CAAP1: variants seen among roughly 807,000 people sequenced by gnomAD.
CAAP1 encodes caspase activity and apoptosis inhibitor 1.
In CAAP1, 20 loss-of-function variants were observed where a neutral mutation model predicts 34.0. That is an observed-to-expected ratio of 0.59 (90% CI 0.41 to 0.86). CAAP1 has a LOEUF of 0.86. Among genes scored for constraint, CAAP1 ranks in the 40% least tolerant of loss-of-function variants. The probability of loss-of-function intolerance (pLI) is 0.00; values close to 1 mark genes in which losing one functional copy is unlikely to be tolerated. For synonymous variants in CAAP1, 213 were observed against 166.7 expected (o/e 1.28, Z -2.14); for missense variants, 538 against 450.5 (o/e 1.19, Z -1.76).
At chr9:26,855,486 G>A (rs1451375350) in intron 5 of CAAP1, among the ~76,000 whole-genome samples, 1 of 152,146 alleles carries the variant, frequency 6.6e-6, no homozygotes, top group Non-Finnish European at 1.5e-5. Flanking sequence ...TATGGACTTG[G>A]TTAATAATAA....
At chr9:26,881,269 C>T (rs930366699) in intron 4 of CAAP1, among the ~76,000 whole-genome samples, 3 of 152,220 alleles carry the variant, frequency 2.0e-5, no homozygotes, top group Non-Finnish European at 4.4e-5. Flanking sequence ...CCACCATGCA[C>T]AGTCGTTGTT....
intron 5 of CAAP1, among the ~76,000 whole-genome samples, chr9:26,855,253 A>C (rs551907347): frequency 6.6e-6 from 1 of 152,348 alleles, no homozygotes; most frequent in African/African-American, 2.4e-5. Context: ...GTATGATTCA[A>C]AACTACAGAG....
rs1459252091 is a variant in CAAP1, at chr9:26,884,880, T to C, written c.595A>G (p.Asn199Asp). The C allele has an allele frequency of 1.9e-6, 3 of 1,603,772 alleles. No homozygotes were observed. The highest frequency in any genetic ancestry group is 4.5e-5 in the East Asian group (2 of 44,754). Residue 199 changes from asparagine (N) to aspartate (D), a missense_variant, in exon 4 of 6, where the codon AAT becomes GAT. Physicochemically the swap from Asn to Asp is conservative, Grantham distance 23. Coordinates refer to ENST00000333916, the MANE Select transcript of CAAP1 (RefSeq NM_024828.4). ...KKILKILEGD[N>D]GMDSDMEEEA... is the part of the protein sequence containing the mutation. ...TCTTCCATATCAGAGTCCATTCCATTGTCACCTTATAAATGAAAGAAACTA... is the reference window on the plus strand; with the variant it reads ...TCTTCCATATCAGAGTCCATTCCATCGTCACCTTATAAATGAAAGAAACTA...
chr9:26,858,397 A>G (rs1393208001), intron 5 of CAAP1, among the ~76,000 whole-genome samples: 1 of 152,210 alleles, frequency 6.6e-6, no homozygotes, highest in African/African-American at 2.4e-5. Context: ...AGCTATATTA[A>G]TATTTATCTG....
intron 4 of CAAP1, among the ~76,000 whole-genome samples, chr9:26,883,532 G>C (rs1052511308): frequency 6.6e-6 from 1 of 152,096 alleles, no homozygotes. Flanking sequence ...TCTAACAGTT[G>C]AAAAGGTAAC....
chr9:26,886,183 A>G lies in CAAP1; in HGVS notation c.510T>C (p.Cys170=). The change falls in exon 3 of 6, where the codon TGT becomes TGC. Residue 170 remains cysteine, a synonymous_variant. Transcript: ENST00000333916. The part of the protein sequence containing the change: ...QKMLPDVLKN[C]SIEEIKKLCQ... ...ATAGTTTTTTAATTTCTTCTATTGA[A>G]CAGTTCTAAAGGAAATGACATTTTA... The G allele has an allele frequency of 6.5e-7, 1 of 1,536,586 alleles. No individual in the cohort carries two copies. The highest frequency in any genetic ancestry group is 8.8e-7 in the Non-Finnish European group (1 of 1,142,164).
chr9:26,842,196 G>T lies in CAAP1; in HGVS notation c.*105C>A, dbSNP rs937860576. On this transcript the variant is annotated 3_prime_UTR_variant, in exon 6 of 6. Transcript: ENST00000333916. Reference sequence around the variant, plus strand: ...AGGGCTAAAATGAGTCCTAATAAGGGTTACATGAGAAATAACATATAAGAC... The same window carrying T: ...AGGGCTAAAATGAGTCCTAATAAGGTTTACATGAGAAATAACATATAAGAC... 2 of 875,572 alleles carry T rather than the reference G, an allele frequency of 2.3e-6. No homozygotes were observed. The highest frequency in any genetic ancestry group is 1.7e-6 in the Non-Finnish European group (1 of 583,836). The allele number at this position is 875,572 out of a possible 1,614,324, so 54.2% of individuals were successfully genotyped here.
intron 5 of CAAP1, among the ~76,000 whole-genome samples, chr9:26,851,214 C>G (rs1822743413): frequency 6.6e-6 from 1 of 152,090 alleles, no homozygotes. Flanking sequence ...CAAAATATAA[C>G]AGAATTTCAG....
At chr9:26,857,857 T>C (rs951037738) in intron 5 of CAAP1, among the ~76,000 whole-genome samples, 1 of 151,276 alleles carries the variant, frequency 6.6e-6, no homozygotes, top group African/African-American at 2.4e-5. Flanking sequence ...GCAACAAAGA[T>C]GAATGAAACC....
chr9:26,885,911 ATATTGTC>A (rs1385181907), intron 3 of CAAP1, among the ~76,000 whole-genome samples, 186 bp downstream of exon 3: 1 of 152,148 alleles, frequency 6.6e-6, no homozygotes, highest in African/African-American at 2.4e-5. Context: ...GAAAAACAAT[ATATTGTC>A]TATTCTTGAA....
At chr9:26,853,741 A>G (rs893909618) in intron 5 of CAAP1, among the ~76,000 whole-genome samples, 1 of 152,348 alleles carries the variant, frequency 6.6e-6, no homozygotes, top group East Asian at 1.9e-4. Context: ...CAGGATCAGT[A>G]CTCAAACAGA....
In CAAP1 at chr9:26,892,776, C is replaced by T; in HGVS notation, c.-61G>A. On this transcript the variant is annotated 5_prime_UTR_variant, in exon 1 of 6. Coordinates refer to ENST00000333916, the MANE Select transcript of CAAP1 (RefSeq NM_024828.4). ...TGTCTCTGGTGCGACCGAAGCCCGA[C>T]TCCTGCGGCCGTGGGCGGCAGGCAC... is the stretch of plus-strand genomic sequence containing the variant. 1 of 1,481,504 alleles carries T rather than the reference C, an allele frequency of 6.7e-7. No individual in the cohort carries two copies. Among genetic ancestry groups the T allele is most frequent in the Non-Finnish European group, 9.0e-7 (1 of 1,112,128 alleles). The allele number at this position is 1,481,504 out of a possible 1,614,324, so 91.8% of individuals were successfully genotyped here.
intron 4 of CAAP1, among the ~76,000 whole-genome samples, chr9:26,867,973 G>C (rs1180224449): frequency 6.6e-6 from 1 of 152,168 alleles, no homozygotes; most frequent in Non-Finnish European, 1.5e-5. Context: ...AGTATGGGAG[G>C]AGGATGGGGT....
chr9:26,886,194 G>T lies in CAAP1; in HGVS notation c.505-6C>A. On this transcript the variant is annotated splice_polypyrimidine_tract_variant and splice_region_variant and intron_variant, in intron 2 of 5. Transcript: ENST00000333916. ...ATTTCTTCTATTGAACAGTTCTAAA[G>T]GAAATGACATTTTAAAAAAATGCAT... The T allele has an allele frequency of 7.0e-7, 1 of 1,429,488 alleles. No homozygotes were observed. The highest frequency in any genetic ancestry group is 9.3e-7 in the Non-Finnish European group (1 of 1,076,572). 88.6% of individuals were successfully genotyped at this position (1,429,488 alleles called of 1,614,324 possible).
chr9:26,882,226 G>A (rs1340980914), intron 4 of CAAP1, among the ~76,000 whole-genome samples: 1 of 152,270 alleles, frequency 6.6e-6, no homozygotes, highest in East Asian at 1.9e-4. Context: ...CATAAGTAAC[G>A]AGCAGCCCAA....
intron 4 of CAAP1, among the ~76,000 whole-genome samples, chr9:26,864,219 T>C (rs1369593288): frequency 1.3e-5 from 2 of 152,144 alleles, no homozygotes; most frequent in Non-Finnish European, 2.9e-5. Flanking sequence ...TTATTTTACC[T>C]CCACAAGCTA....
At chr9:26,890,984 A>C (rs1007121078) in intron 1 of CAAP1, among the ~76,000 whole-genome samples, 1 of 152,200 alleles carries the variant, frequency 6.6e-6, no homozygotes, top group Non-Finnish European at 1.5e-5. Flanking sequence ...ATGAAAGTAA[A>C]AATACTGAAT....
chr9:26,848,523 G>GA (rs1563878023), intron 5 of CAAP1, among the ~76,000 whole-genome samples: 1 of 151,508 alleles, frequency 6.6e-6, no homozygotes, highest in Non-Finnish European at 1.5e-5. Flanking sequence ...CTCAAAAAAA[G>GA]AAAAAATAGT....
Position 26,842,069 on chromosome 9 carries a change from C to G in CAAP1, c.*232G>C, listed in dbSNP as rs1470073433. ...GCTAAATACTCATCTAACAAAGTAT[C>G]CAGGCTATCCAACTATATTGCCATG... On this transcript the variant is annotated 3_prime_UTR_variant, in exon 6 of 6. Transcript: ENST00000333916. The G allele has an allele frequency of 2.6e-6, 1 of 380,990 alleles. No homozygotes were observed. The highest frequency in any genetic ancestry group is 4.7e-6 in the Non-Finnish European group (1 of 214,336). The allele number at this position is 380,990 out of a possible 1,614,324, so 23.6% of individuals were successfully genotyped here. A position where few individuals can be genotyped will look rare whatever the true frequency, so the allele number is the denominator to read the frequency against.
Sources: allele counts gnomAD v4.1 joint callset (sites outside exome capture counted in the v4.1 genomes callset), GRCh38; gene constraint gnomAD v4.1.1; transcripts MANE v1.5; gene names NCBI Gene and HGNC (gene_info 2026-07-23, HGNC 2026-07-21).